CELF4: variants seen among roughly 807,000 people sequenced by gnomAD.
CELF4 encodes CUG-BP- and ETR-3-like factor 4.
Under a neutral mutation model 59.9 loss-of-function variants are expected in CELF4, and 18 were observed. That is an observed-to-expected ratio of 0.30 (90% confidence interval 0.21 to 0.45). CELF4 has a LOEUF of 0.45. Ranked by LOEUF, CELF4 falls within the 20% of genes least tolerant of loss-of-function variation. The pLI is 1.00. For synonymous variants in CELF4, 261 were observed against 267.1 expected, an observed-to-expected ratio of 0.98 and a Z score of 0.22; for missense variants, 456 against 689.0, an observed-to-expected ratio of 0.66 and a Z score of 3.79.
At chr18:37,384,097 G>C (rs921427553) in intron 2 of CELF4, among the ~76,000 whole-genome samples, 1 of 152,026 alleles carries the variant, frequency 6.6e-6, no homozygotes, top group Admixed American at 6.5e-5. Flanking sequence ...GCTCAATGCG[G>C]GGGTGACAGA....
In CELF4 at chr18:37,520,822, A is replaced by G. The variant is rs564046905; in HGVS notation, c.287-35215T>C. ...CCTAGCACACTGCTATGCTCACAGT[A>G]GGTGTTCAGTCCATGATTTCAGTAG... On this transcript the variant is annotated intron_variant, in intron 1 of 12. Coordinates refer to ENST00000420428, the MANE Select transcript of CELF4 (RefSeq NM_020180.4). Among the ~76,000 whole-genome samples, 14 of 152,270 alleles carry G rather than the reference A, an allele frequency of 9.2e-5. No homozygotes were observed. In the South Asian group the frequency reaches 1.5e-3, roughly 16 times the overall value.
At chr18:37,311,586 G>A (rs1008395279) in intron 3 of CELF4, among the ~76,000 whole-genome samples, 1 of 151,894 alleles carries the variant, frequency 6.6e-6, no homozygotes, top group African/African-American at 2.4e-5. Context: ...TCACGAGTTC[G>A]AGATCAGCCT....
chr18:37,362,969 A>G (rs2098729199), intron 2 of CELF4, among the ~76,000 whole-genome samples: 1 of 152,166 alleles, frequency 6.6e-6, no homozygotes, highest in Non-Finnish European at 1.5e-5. Context: ...CCTGGCACAC[A>G]GTAGGGTCTC....
intron 1 of CELF4, among the ~76,000 whole-genome samples, chr18:37,526,108 T>C (rs1243838085): frequency 1.3e-5 from 2 of 152,150 alleles, no homozygotes; most frequent in Non-Finnish European, 2.9e-5. Flanking sequence ...ATTGTATCTT[T>C]TTACCTCTGG....
chr18:37,302,071 A>G (rs185649619), intron 3 of CELF4, among the ~76,000 whole-genome samples: 36 of 152,314 alleles, frequency 2.4e-4, no homozygotes, highest in Middle Eastern at 3.4e-3. Flanking sequence ...TTTGGAATAT[A>G]TGTTGACTTT....
At position 37,246,491 on chromosome 18, in the gene CELF4, G is replaced by A. The variant is rs1297898855; in HGVS notation, c.*45-1294C>T. Among the ~76,000 whole-genome samples the A allele has an allele frequency of 2.6e-5, 4 of 151,358 alleles. No homozygotes were observed. The highest frequency in any genetic ancestry group is 4.4e-5 in the Non-Finnish European group (3 of 67,926). On this transcript the variant is annotated intron_variant, in intron 12 of 12. Transcript: ENST00000420428. This position sits in a 1 kb window ranked among gnomAD's most constrained non-coding sequence, Gnocchi z 5.3. ...CAATACAAACCTTACAATTGTTACCGGGCTCTCTTGCAGAGGCCTCTGGCT... is the reference window on the plus strand; with the variant it reads ...CAATACAAACCTTACAATTGTTACCAGGCTCTCTTGCAGAGGCCTCTGGCT...
At chr18:37,545,405 G>T (rs1460913246) in intron 1 of CELF4, among the ~76,000 whole-genome samples, 1 of 152,180 alleles carries the variant, frequency 6.6e-6, no homozygotes, top group Non-Finnish European at 1.5e-5. Context: ...TGGCTTTTGT[G>T]CCTGCACCCC....
At chr18:37,445,844 T>A (rs562738815) in intron 2 of CELF4, among the ~76,000 whole-genome samples, 15 of 152,332 alleles carry the variant, frequency 9.8e-5, no homozygotes, top group East Asian at 3.9e-4. Context: ...ATGTCGCCTG[T>A]GTGCCCGCAG....
intron 1 of CELF4, among the ~76,000 whole-genome samples, chr18:37,558,830 T>TGG (rs1425977571): frequency 6.6e-6 from 1 of 151,440 alleles, no homozygotes; most frequent in Non-Finnish European, 1.5e-5. Flanking sequence ...TGTGTGTGTG[T>TGG]GTGTACACTA....
At chr18:37,393,442 G>C (rs968244437) in intron 2 of CELF4, among the ~76,000 whole-genome samples, 2 of 152,232 alleles carry the variant, frequency 1.3e-5, no homozygotes, top group Admixed American at 6.5e-5. Context: ...CTTGTGGACG[G>C]GGTGGCTCAG....
chr18:37,543,123 G>A (rs1367568231), intron 1 of CELF4, among the ~76,000 whole-genome samples: 2 of 152,068 alleles, frequency 1.3e-5, no homozygotes, highest in African/African-American at 4.8e-5. Context: ...CTCCCCAAGG[G>A]TTGCACCACC....
chr18:37,282,635 A>AG (rs113663877), intron 3 of CELF4, among the ~76,000 whole-genome samples: 5,453 of 152,280 alleles, frequency 0.036, 324 homozygotes, highest in African/African-American at 0.12. Flanking sequence ...TGCAGTGGAT[A>AG]GGGACAGGGG....
At chr18:37,395,642 C>G (rs2099235205) in intron 2 of CELF4, among the ~76,000 whole-genome samples, 1 of 152,246 alleles carries the variant, frequency 6.6e-6, no homozygotes, top group Admixed American at 6.5e-5. Context: ...AATCTGTCAT[C>G]TTGTTTCTTG....
chr18:37,541,682 C>T (rs551278983), intron 1 of CELF4, among the ~76,000 whole-genome samples: 78 of 152,192 alleles, frequency 5.1e-4, no homozygotes, highest in African/African-American at 1.4e-3. Flanking sequence ...CCCCAGGACA[C>T]GCCTGTCACA....
intron 1 of CELF4, among the ~76,000 whole-genome samples, chr18:37,503,828 C>T (rs1440334264): frequency 2.0e-5 from 3 of 152,176 alleles, no homozygotes; most frequent in African/African-American, 7.2e-5. Context: ...AGGCAGTCTC[C>T]TTCAAGGTCC....
At chr18:37,352,317 TC>T (rs939875688) in intron 2 of CELF4, among the ~76,000 whole-genome samples, 28 of 152,298 alleles carry the variant, frequency 1.8e-4, no homozygotes, top group African/African-American at 6.5e-4. Flanking sequence ...ACTACATTTG[TC>T]CTCAATGTTA....
intron 1 of CELF4, among the ~76,000 whole-genome samples, chr18:37,541,494 G>A (rs972033066): frequency 9.9e-5 from 15 of 151,924 alleles, no homozygotes; most frequent in African/African-American, 2.7e-4. Context: ...GCCCCCCTCC[G>A]TGTCTGCTCT....
chr18:37,525,808 A>C (rs532977900), intron 1 of CELF4, among the ~76,000 whole-genome samples: 1 of 152,312 alleles, frequency 6.6e-6, no homozygotes, highest in South Asian at 2.1e-4. Context: ...ATCGAAAATA[A>C]TTATTAAAAA....
intron 3 of CELF4, among the ~76,000 whole-genome samples, chr18:37,310,652 C>A (rs967328418): frequency 1.3e-5 from 2 of 152,326 alleles, no homozygotes; most frequent in East Asian, 1.9e-4. Context: ...TGTCCCTCCC[C>A]CCAATCACCT....
Sources: allele counts gnomAD v4.1 joint callset (sites outside exome capture counted in the v4.1 genomes callset), GRCh38; gene constraint gnomAD v4.1.1; non-coding constraint Gnocchi (gnomAD v3.1); transcripts MANE v1.5; gene names NCBI Gene and HGNC (gene_info 2026-07-23, HGNC 2026-07-21).